The following KCNQ5 variants were observed in gnomAD, a reference collection of about 807,000 sequenced individuals.
KCNQ5 encodes potassium voltage-gated channel subfamily KQT member 5.
In KCNQ5, 30 loss-of-function variants were observed where a neutral mutation model predicts 98.2. The observed-to-expected ratio is 0.31, with a 90% CI of 0.23 to 0.41. The LOEUF is 0.41. KCNQ5 is among the 10% of genes least tolerant of loss of function. The pLI, the probability that KCNQ5 is intolerant of heterozygous loss-of-function variation, is 1.00. For missense variants in KCNQ5, 835 were observed against 1,182.5 expected (o/e 0.71, Z 4.31); for synonymous variants, 458 against 449.4 (o/e 1.02, Z -0.24).
intron 1 of KCNQ5, among the ~76,000 whole-genome samples, chr6:72,795,013 A>G (rs1164152958): frequency 2.0e-5 from 3 of 152,312 alleles, no homozygotes; most frequent in Non-Finnish European, 2.9e-5. Context: ...TAAGTTGTCT[A>G]TCTCTCTTGC....
At chr6:72,643,449 C>G (rs1765432010) in intron 1 of KCNQ5, among the ~76,000 whole-genome samples, 2 of 152,086 alleles carry the variant, frequency 1.3e-5, no homozygotes, top group African/African-American at 4.8e-5. Flanking sequence ...ACATTAAATT[C>G]ACAGGACAAG....
At chr6:73,112,350 GT>G (rs778086861) in intron 7 of KCNQ5, among the ~76,000 whole-genome samples, 77 of 143,562 alleles carry the variant, frequency 5.4e-4, no homozygotes, top group Admixed American at 5.6e-4. Flanking sequence ...TGTTTGTTTT[GT>G]TTTTTTTTTT....
chr6:73,192,481 T>A, intron 12 of KCNQ5, 84 bp from the exon 13 acceptor site: 1 of 1,194,942 alleles, frequency 8.4e-7, no homozygotes. Context: ...CTGTATTTAA[T>A]TTTTTTTTCC....
chr6:73,117,922 T>C (rs1481998903), intron 7 of KCNQ5, among the ~76,000 whole-genome samples: 1 of 152,236 alleles, frequency 6.6e-6, no homozygotes, highest in African/African-American at 2.4e-5. Flanking sequence ...AGCACAAATT[T>C]CCACAGATTT....
At chr6:72,707,237 C>T (rs1266936499) in intron 1 of KCNQ5, among the ~76,000 whole-genome samples, 3 of 152,148 alleles carry the variant, frequency 2.0e-5, no homozygotes, top group Non-Finnish European at 2.9e-5. Context: ...TGTTGCCTAT[C>T]CTACTAGAGA....
intron 1 of KCNQ5, among the ~76,000 whole-genome samples, chr6:72,813,953 G>A (rs1775375426): frequency 6.6e-6 from 1 of 152,096 alleles, no homozygotes; most frequent in Non-Finnish European, 1.5e-5. Context: ...AGCAGTGGCT[G>A]GACTATGAGT....
intron 1 of KCNQ5, among the ~76,000 whole-genome samples, chr6:72,661,746 T>C (rs2154472929): frequency 6.6e-6 from 1 of 152,268 alleles, no homozygotes; most frequent in Middle Eastern, 3.4e-3. Context: ...TGTTATTTGG[T>C]CAGTTTATTT....
chr6:72,779,504 G>A (rs768618759), intron 1 of KCNQ5, among the ~76,000 whole-genome samples: 18 of 152,168 alleles, frequency 1.2e-4, no homozygotes, highest in Non-Finnish European at 1.6e-4. Flanking sequence ...CCTAGTAAGA[G>A]GTAAGGTAAT....
chr6:72,986,680 G>T lies in KCNQ5; in HGVS notation c.399-17228G>T, dbSNP rs1329232475. On this transcript the variant is annotated intron_variant, in intron 1 of 13. Transcript: ENST00000370398. The stretch of plus-strand genomic sequence containing the variant: ...GGAAGCAGGTGCTTGGCCATTTGGA[G>T]TTCCTCTGTGGGGAGAAGAAAAAGA... 4 of 1,019,606 alleles carry T rather than the reference G, an allele frequency of 3.9e-6. No homozygotes were observed. In the Admixed American group the frequency reaches 6.1e-5, roughly 16 times the overall value. 63.2% of individuals were successfully genotyped at this position (1,019,606 alleles called of 1,614,324 possible). A position where few individuals can be genotyped will look rare whatever the true frequency, so the allele number is the denominator to read the frequency against.
chr6:73,084,338 G>A (rs1225445668), intron 5 of KCNQ5, among the ~76,000 whole-genome samples: 1 of 152,222 alleles, frequency 6.6e-6, no homozygotes, highest in Admixed American at 6.5e-5. Flanking sequence ...TAAAGACAGT[G>A]TAAAGGGAGT....
At chr6:72,768,935 G>A (rs1250443035) in intron 1 of KCNQ5, among the ~76,000 whole-genome samples, 2 of 152,010 alleles carry the variant, frequency 1.3e-5, no homozygotes, top group African/African-American at 2.4e-5. Flanking sequence ...CTATCTGTAA[G>A]GCTTTAGCCA....
chr6:72,888,816 T>A (rs1778947770), intron 1 of KCNQ5, among the ~76,000 whole-genome samples: 1 of 152,198 alleles, frequency 6.6e-6, no homozygotes, highest in African/African-American at 2.4e-5. Flanking sequence ...TCACATTTTT[T>A]AATTCATTTA....
chr6:72,662,749 G>T (rs978508704), intron 1 of KCNQ5, among the ~76,000 whole-genome samples: 4 of 151,992 alleles, frequency 2.6e-5, no homozygotes, highest in Middle Eastern at 3.2e-3. Flanking sequence ...TTGTGTTACT[G>T]TTTTGTTTTG....
intron 1 of KCNQ5, among the ~76,000 whole-genome samples, chr6:72,681,535 G>A (rs1767712471): frequency 6.6e-6 from 1 of 152,112 alleles, no homozygotes; most frequent in Non-Finnish European, 1.5e-5. Context: ...ACTAGTCAAG[G>A]ATGGATAATT....
intron 3 of KCNQ5, among the ~76,000 whole-genome samples, chr6:73,069,291 A>G (rs947386447): frequency 2.0e-5 from 3 of 151,924 alleles, no homozygotes; most frequent in Admixed American, 6.6e-5. Context: ...TTTGCATTTC[A>G]ATCTGTGTAG....
chr6:72,796,464 T>C (rs1224498379), intron 1 of KCNQ5, among the ~76,000 whole-genome samples: 5 of 152,130 alleles, frequency 3.3e-5, no homozygotes, highest in Admixed American at 6.5e-5. Flanking sequence ...TCATTAGAGC[T>C]GATAATGAGG....
chr6:73,176,689 G>T (rs1190969102), intron 11 of KCNQ5, among the ~76,000 whole-genome samples: 2 of 152,302 alleles, frequency 1.3e-5, no homozygotes, highest in South Asian at 2.1e-4. Context: ...GATATTTACT[G>T]ATTGGAGAGG....
chr6:73,151,718 C>A (rs998669237), intron 10 of KCNQ5, among the ~76,000 whole-genome samples: 17 of 152,218 alleles, frequency 1.1e-4, no homozygotes, highest in Non-Finnish European at 1.9e-4. Flanking sequence ...TTTACCTGAG[C>A]TGGCTGCTCT....
chr6:72,658,578 A>ATTTT (rs1219877866), intron 1 of KCNQ5, among the ~76,000 whole-genome samples: 16 of 76,362 alleles, frequency 2.1e-4, no homozygotes, highest in Non-Finnish European at 3.1e-4. Flanking sequence ...ATATATATAT[A>ATTTT]TTTTTTTTTT....
Sources: gnomAD v4.1 joint callset for allele counts (sites outside exome capture counted in the v4.1 genomes callset) on GRCh38, gnomAD v4.1.1 for gene constraint, MANE v1.5 for transcripts, NCBI Gene and HGNC (gene_info 2026-07-23, HGNC 2026-07-21) for gene names.